Variants in COL28A1 observed in about 807,000 individuals in gnomAD.
The protein encoded by COL28A1 is collagen alpha-1(XXVIII) chain.
In COL28A1, 161 loss-of-function variants were observed where a neutral mutation model predicts 150.2. The ratio of observed to expected loss-of-function variants is 1.07; its 90% CI spans 0.94 to 1.22. COL28A1 has a LOEUF of 1.22. Among genes scored for constraint, COL28A1 ranks in the 50% most tolerant of loss-of-function variants. The pLI is 0.00. For synonymous variants in COL28A1, 552 were observed against 469.7 expected, an observed-to-expected ratio of 1.18 and a Z score of -2.26; for missense variants, 1,617 against 1,388.3, an observed-to-expected ratio of 1.16 and a Z score of -2.62.
chr7:7,446,876 A>G (rs1348162475), intron 18 of COL28A1, among the ~76,000 whole-genome samples: 1 of 152,216 alleles, frequency 6.6e-6, no homozygotes, highest in African/African-American at 2.4e-5. Context: ...AGAAAGAGTT[A>G]CACAGAGAAA....
intron 25 of COL28A1, 185 bp from the exon 26 acceptor site, chr7:7,420,138 C>G (rs1784319654): frequency 2.6e-6 from 1 of 379,246 alleles, no homozygotes; most frequent in Non-Finnish European, 4.7e-6. Context: ...AGGTCCATTT[C>G]AAATTAATCA....
At chr7:7,472,233 C>G (rs75600199) in intron 15 of COL28A1, among the ~76,000 whole-genome samples, 2,441 of 152,124 alleles carry the variant, frequency 0.016, 59 homozygotes, top group African/African-American at 0.056. Context: ...AGTCAAAGTG[C>G]CTGTTTGCTG....
At chr7:7,538,497 C>A (rs1228346687), upstream of COL28A1, among the ~76,000 whole-genome samples, 1 of 152,156 alleles carries the variant, frequency 6.6e-6, no homozygotes, top group Non-Finnish European at 1.5e-5. Context: ...GTCTGTGATA[C>A]AATAAATTGC....
chr7:7,488,599 T>C (rs944936770), intron 13 of COL28A1, among the ~76,000 whole-genome samples: 10 of 152,190 alleles, frequency 6.6e-5, no homozygotes, highest in Non-Finnish European at 1.3e-4. Flanking sequence ...TAGTAGAAAT[T>C]TTTTTCTTCT....
chr7:7,496,636 C>T (rs765716197), intron 11 of COL28A1, among the ~76,000 whole-genome samples: 19 of 152,160 alleles, frequency 1.2e-4, no homozygotes, highest in African/African-American at 4.1e-4. Flanking sequence ...GTATCCCTGG[C>T]ACTGATTCTA....
chr7:7,531,535 T>C lies in COL28A1; in HGVS notation c.494A>G (p.His165Arg), dbSNP rs747461584. The C allele has an allele frequency of 2.5e-6, 4 of 1,612,000 alleles. No homozygotes were observed. The East Asian group carries it at 8.9e-5, about 36-fold the overall frequency. ...ACTTTGAACATCTGGATTCTTTGGATGGTCGATGCCATCAGTCATCAGCAA... is the reference window on the plus strand; with the variant it reads ...ACTTTGAACATCTGGATTCTTTGGACGGTCGATGCCATCAGTCATCAGCAA... ...VVLLMTDGID[H>R]PKNPDVQSIS... Residue 165 changes from histidine to arginine, a missense_variant, in exon 3 of 35, where the codon CAT becomes CGT. Transcript: ENST00000399429.
In COL28A1 at chr7:7,530,940, A is replaced by G. The variant is rs1305832113; in HGVS notation, c.681+408T>C. Among the ~76,000 whole-genome samples the G allele has an allele frequency of 2.6e-5, 4 of 152,326 alleles. No individual in the cohort carries two copies. The South Asian group carries it at 8.3e-4, about 32-fold the overall frequency. ...AGAATATGTCAAGATTATGTCAAAA[A>G]TACCTGTACAGATGTGGAATGGGAA... On this transcript the variant is annotated intron_variant, in intron 3 of 34. Transcript: ENST00000399429.
intron 4 of COL28A1, among the ~76,000 whole-genome samples, chr7:7,523,822 A>T (rs537674918): frequency 5.9e-5 from 9 of 152,230 alleles, no homozygotes; most frequent in African/African-American, 2.2e-4. Context: ...GCAGCAGGGG[A>T]TGACTCTAGA....
chr7:7,470,893 T>C (rs1788352948), intron 15 of COL28A1, among the ~76,000 whole-genome samples: 1 of 121,948 alleles, frequency 8.2e-6, no homozygotes, highest in Non-Finnish European at 1.6e-5. Context: ...TTCTCACTCA[T>C]AGGTGGGAAT....
rs117166248 is a variant in COL28A1 at position 7,393,519 on chromosome 7, G to A, written c.2137-11907C>T. ...GCACTGCTCTCTTCAAAGCCAGCAG[G>A]CAGGGATGTTTAAGTCTGCTGAAGC... On this transcript the variant is annotated intron_variant, in intron 27 of 34. Transcript: ENST00000399429. Among the ~76,000 whole-genome samples, 110 of 152,346 alleles carry A rather than the reference G, an allele frequency of 7.2e-4. 3 individuals carry two copies. In the East Asian group the frequency reaches 0.017, roughly 23 times the overall value.
intron 4 of COL28A1, among the ~76,000 whole-genome samples, chr7:7,523,819 G>A (rs1267147535): frequency 6.6e-6 from 1 of 152,132 alleles, no homozygotes; most frequent in East Asian, 1.9e-4. Context: ...CAGGCAGCAG[G>A]GGATGACTCT....
the COL28A1 span, among the ~76,000 whole-genome samples, chr7:7,540,988 C>G: frequency 1.3e-5 from 2 of 152,128 alleles, no homozygotes; most frequent in Non-Finnish European, 2.9e-5. Context: ...AAACACAATA[C>G]CTACTTGGGT....
chr7:7,453,477 G>T lies in COL28A1; in HGVS notation c.1403C>A (p.Pro468Gln). 8.0e-7 allele frequency: 1 copy of T among 1,256,534 alleles called. No homozygotes were observed. The highest frequency in any genetic ancestry group is 1.2e-6 in the Non-Finnish European group (1 of 858,556). The allele number at this position is 1,256,534 out of a possible 1,614,324, so 77.8% of individuals were successfully genotyped here. ...TAAGCCCTGTCCTGCGGGCCCTTGT[G>T]GACCAGGTGGACCAATAGGACCTTG... ...GIQGPIGPPG[P>Q]QGPAGQGLPG... Residue 468 changes from proline (P) to glutamine (Q), a missense_variant, in exon 17 of 35, where the codon CCA (proline) becomes CAA (glutamine). Pro to Gln is a moderately conservative substitution (Grantham distance 76). Coordinates refer to ENST00000399429, the MANE Select transcript of COL28A1 (RefSeq NM_001037763.3).
chr7:7,522,227 A>G (rs1158487763), intron 4 of COL28A1: 3 of 477,848 alleles, frequency 6.3e-6, no homozygotes, highest in Non-Finnish European at 1.1e-5. Flanking sequence ...ATTAAATTTC[A>G]GCATAGTTAA....
At chr7:7,405,363 C>G (rs7800782) in intron 27 of COL28A1, among the ~76,000 whole-genome samples, 78,206 of 151,922 alleles carry the variant, frequency 0.51, 21,762 homozygotes, top group African/African-American at 0.74. Context: ...GATAGATTGA[C>G]GTCTGTGGAA....
chr7:7,426,915 G>C (rs1784669195), intron 25 of COL28A1, among the ~76,000 whole-genome samples: 1 of 152,180 alleles, frequency 6.6e-6, no homozygotes. Flanking sequence ...GAGAAGAGCA[G>C]GCTGTCTTGT....
chr7:7,463,236 G>T (rs1472516359), intron 15 of COL28A1, among the ~76,000 whole-genome samples: 1 of 151,762 alleles, frequency 6.6e-6, no homozygotes, highest in South Asian at 2.1e-4. Context: ...CTGTCATCAG[G>T]TTATCTGAAG....
chr7:7,477,208 CAGG>C (rs779517575), intron 13 of COL28A1, 28 bp from the exon 14 acceptor site: 22 of 904,942 alleles, frequency 2.4e-5, no homozygotes, highest in Non-Finnish European at 3.7e-5. Flanking sequence ...AAATGAGGAG[CAGG>C]AGGAGAGAGA....
At chr7:7,413,571 G>A (rs1022605074) in intron 27 of COL28A1, among the ~76,000 whole-genome samples, 2 of 152,152 alleles carry the variant, frequency 1.3e-5, no homozygotes, top group African/African-American at 4.8e-5. Flanking sequence ...TATGAAGCAG[G>A]TATACCCCTT....
Sources: gnomAD v4.1 joint callset for allele counts (sites outside exome capture counted in the v4.1 genomes callset) on GRCh38, gnomAD v4.1.1 for gene constraint, MANE v1.5 for transcripts, NCBI Gene and HGNC (gene_info 2026-07-23, HGNC 2026-07-21) for gene names.